NOP14: variants seen among roughly 807,000 people sequenced by gnomAD.
NOP14 encodes the protein nucleolar protein 14.
In NOP14, 57 loss-of-function variants were observed where a neutral mutation model predicts 101.6. That is an observed-to-expected ratio of 0.56 (90% CI 0.45 to 0.70). The LOEUF is 0.70. NOP14 is among the 30% of genes least tolerant of loss of function. NOP14 has a pLI of 0.00. For missense variants in NOP14, 1,134 were observed against 1,075.5 expected, an observed-to-expected ratio of 1.05 and a Z score of -0.76; for synonymous variants, 428 against 424.0, an observed-to-expected ratio of 1.01 and a Z score of -0.12.
At chr4:2,948,211 A>G (rs910868293) in intron 9 of NOP14, 67 bp downstream of exon 9, 1 of 1,510,532 alleles carries the variant, frequency 6.6e-7, no homozygotes, top group Non-Finnish European at 8.8e-7. Context: ...ACTTCACACA[A>G]TTCTGGCATT....
intron 10 of NOP14, chr4:2,947,062 C>T (rs1449188108): frequency 9.1e-6 from 2 of 220,316 alleles, no homozygotes; most frequent in Admixed American, 5.3e-5. Context: ...GTGGGTCACA[C>T]AGCCTTAGAG....
chr4:2,954,981 G>GGCGCCCTCTAGTCACCTGCACCACA, intron 3 of NOP14, among the ~76,000 whole-genome samples: 1 of 150,798 alleles, frequency 6.6e-6, no homozygotes, highest in Non-Finnish European at 1.5e-5. Context: ...CCTGTACCAC[G>GGCGCCCTCTAGTCACCTGCACCACA]GCGCCCCCTC....
Position 2,938,230 on chromosome 4 carries a change from T to G in NOP14, c.*601A>C, listed in dbSNP as rs1560290609. The G allele has an allele frequency of 1.6e-6, 2 of 1,288,420 alleles. No individual in the cohort carries two copies. The highest frequency in any genetic ancestry group is 1.1e-4 in the East Asian group (2 of 17,978). 79.8% of individuals were successfully genotyped at this position (1,288,420 alleles called of 1,614,324 possible). A position where few individuals can be genotyped will look rare whatever the true frequency, so the allele number is the denominator to read the frequency against. ...CACCAACATTATAGCATTATTACTC[T>G]AAAAAAAATTACTTTTTTGGCTGGG... On this transcript the variant is annotated 3_prime_UTR_variant, in exon 18 of 18. Coordinates refer to ENST00000416614, the MANE Select transcript of NOP14 (RefSeq NM_001291978.2).
At chr4:2,940,588 T>C (rs992446166) in intron 15 of NOP14, 3 of 152,200 alleles carry the variant, frequency 2.0e-5, no homozygotes, top group Admixed American at 1.3e-4. Context: ...CGACGGAGTC[T>C]GTGATAGCTA....
In NOP14 at chr4:2,953,535, G is replaced by A; in HGVS notation, c.723C>T (p.Asn241=). 6.2e-7 allele frequency: 1 copy of A among 1,614,142 alleles called. No individual in the cohort carries two copies. The highest frequency in any genetic ancestry group is 8.5e-7 in the Non-Finnish European group (1 of 1,180,008). Residue 241 remains asparagine, a synonymous_variant, in exon 5 of 18, where the codon AAC becomes AAT. Transcript: ENST00000416614. ...LLSHKTPKSE[N]RDKKEKPKPD... The stretch of plus-strand genomic sequence containing the variant: ...CCTTGGGTTTTTCCTTTTTGTCTCT[G>A]TTCTCTGACTTGGGAGTTTTGTGGG...
intron 4 of NOP14, among the ~76,000 whole-genome samples, chr4:2,954,087 T>C (rs568004843): frequency 1.3e-5 from 2 of 152,254 alleles, no homozygotes; most frequent in African/African-American, 2.4e-5. Context: ...CACTAGCTAC[T>C]TGGGGAGCTG....
chr4:2,938,342 G>A lies in NOP14; in HGVS notation c.*489C>T, dbSNP rs1447764926. ...TCGAGACCAGCCTGACCAACATGGA[G>A]AAACCCCGTCTCTACTAAAAATACA... On this transcript the variant is annotated 3_prime_UTR_variant, in exon 18 of 18. Coordinates refer to ENST00000416614, the MANE Select transcript of NOP14 (RefSeq NM_001291978.2). 1.8e-6 allele frequency: 1 copy of A among 559,814 alleles called. No individual in the cohort carries two copies. The highest frequency in any genetic ancestry group is 3.0e-6 in the Non-Finnish European group (1 of 331,742). 34.7% of individuals were successfully genotyped at this position (559,814 alleles called of 1,614,324 possible). A position where few individuals can be genotyped will look rare whatever the true frequency, so the allele number is the denominator to read the frequency against.
In NOP14 at chr4:2,956,823, GAA is replaced by G. The variant is rs776494534; in HGVS notation, c.331-14_331-13del. 1.1e-5 allele frequency: 17 copies of G among 1,518,964 alleles called. No homozygotes were observed. The South Asian group carries it at 2.2e-4, about 20-fold the overall frequency. The allele number at this position is 1,518,964 out of a possible 1,614,324, so 94.1% of individuals were successfully genotyped here. On this transcript the variant is annotated splice_polypyrimidine_tract_variant and intron_variant, in intron 2 of 17. Transcript: ENST00000416614. ...TTCTCATGATGTCGCTGACAGAAGA[GAA>G]AAAAAGTTTCCTAAAATTACCACTT... is the stretch of plus-strand genomic sequence containing the variant.
At position 2,944,100 on chromosome 4, in the gene NOP14, T is replaced by C. The variant is rs1206966421; in HGVS notation, c.1864A>G (p.Ile622Val). Residue 622 changes from isoleucine (I) to valine (V), a missense_variant, in exon 13 of 18, where the codon ATA becomes GTA. Physicochemically the swap from Ile to Val is conservative, Grantham distance 29. Coordinates refer to ENST00000416614, the MANE Select transcript of NOP14 (RefSeq NM_001291978.2). The part of the protein sequence containing the change: ...LINFLLGILY[I>V]ATPNKASQGS... The stretch of plus-strand genomic sequence containing the variant: ...TGGCTTGCTTTGTTTGGAGTTGCTA[T>C]GTAAAGAATCCCAAGAAGAAAATTA... The C allele has an allele frequency of 5.6e-6, 9 of 1,612,746 alleles. No homozygotes were observed. The highest frequency in any genetic ancestry group is 7.6e-6 in the Non-Finnish European group (9 of 1,179,520).
chr4:2,939,316 A>G lies in NOP14; in HGVS notation c.2346T>C (p.Ser782=). 1 of 1,613,808 alleles carries G rather than the reference A, an allele frequency of 6.2e-7. No homozygotes were observed. Among genetic ancestry groups the G allele is most frequent in the Non-Finnish European group, 8.5e-7 (1 of 1,179,986 alleles). ...TCTTCCTTTCCTGTTCCTCCTTACTACTGCCTTGTTTTCTTCCAAACTCGA... is the reference window on the plus strand; with the variant it reads ...TCTTCCTTTCCTGTTCCTCCTTACTGCTGCCTTGTTTTCTTCCAAACTCGA... ...KVLEFGRKQG[S]SKEEQERKRL... Residue 782 remains serine (S), a synonymous_variant, in exon 17 of 18, where the codon AGT becomes AGC. Coordinates refer to ENST00000416614, the MANE Select transcript of NOP14 (RefSeq NM_001291978.2).
chr4:2,956,686 A>G lies in NOP14; in HGVS notation c.456T>C (p.Asp152=), dbSNP rs937777417. 2.5e-6 allele frequency: 4 copies of G among 1,612,462 alleles called. No homozygotes were observed. The highest frequency in any genetic ancestry group is 3.4e-6 in the Non-Finnish European group (4 of 1,179,632). ...CAGCCTCACCAGACAACGTTCCTCG[A>G]TCCTCAGCATCGCTGTCACTGTCCA... ...DIVDSDSDAE[D]RGTLSAELTA... is the part of the protein sequence containing the mutation. Residue 152 remains aspartate (D), a synonymous_variant, in exon 3 of 18, where the codon GAT becomes GAC. Transcript: ENST00000416614.
In NOP14 at chr4:2,947,269, G is replaced by C. The variant is rs1471106895; in HGVS notation, c.1499+257C>G. 2.1e-5 allele frequency: 11 copies of C among 534,616 alleles called. No homozygotes were observed. In the East Asian group the frequency reaches 3.6e-4, roughly 18 times the overall value. The allele number at this position is 534,616 out of a possible 1,614,324, so 33.1% of individuals were successfully genotyped here. A position where few individuals can be genotyped will look rare whatever the true frequency, so the allele number is the denominator to read the frequency against. On this transcript the variant is annotated intron_variant, in intron 10 of 17. Transcript: ENST00000416614. ...CCCCATCCCAGCCACAAATCTAAAGGGGTTCACTTGTTTCAAAATCAACTT... is the reference window on the plus strand; with the variant it reads ...CCCCATCCCAGCCACAAATCTAAAGCGGTTCACTTGTTTCAAAATCAACTT...
rs1483641565 is a variant in NOP14, at chr4:2,939,543, G to T, written c.2302C>A (p.Pro768Thr). The T allele has an allele frequency of 3.1e-6, 5 of 1,613,760 alleles. No individual in the cohort carries two copies. Among genetic ancestry groups the T allele is most frequent in the Non-Finnish European group, 3.4e-6 (4 of 1,179,868 alleles). ...SKPVPLKLFTPRLVKVLEFGR... is the reference protein window; with the variant it reads ...SKPVPLKLFTTRLVKVLEFGR... The stretch of plus-strand genomic sequence containing the variant: ...AGCACCCACACTTTGACCAGCCGGG[G>T]TGTGAAAAGCTTCAGTGGGACAGGC... The change falls in exon 16 of 18, where the codon CCC becomes ACC. Residue 768 changes from proline (P) to threonine (T), a missense_variant. By Grantham distance (38) the Pro-to-Thr change is conservative. Transcript: ENST00000416614.
At chr4:2,954,670 C>T in intron 3 of NOP14, 107 bp from the exon 4 acceptor site, 1 of 1,367,010 alleles carries the variant, frequency 7.3e-7, no homozygotes, top group Non-Finnish European at 9.7e-7. Context: ...TGGAAAAGTC[C>T]ACATTTGAGA....
At chr4:2,942,029 G>GGACA in intron 14 of NOP14, 163 bp downstream of exon 14, 3 of 695,710 alleles carry the variant, frequency 4.3e-6, no homozygotes, top group Non-Finnish European at 7.3e-6. Flanking sequence ...AAAGAAAAAG[G>GGACA]GACAGCAAGC....
chr4:2,951,089 G>A (rs1229493312), intron 7 of NOP14, 25 bp downstream of exon 7: 3 of 1,563,040 alleles, frequency 1.9e-6, no homozygotes, highest in African/African-American at 2.7e-5. Context: ...GAGAGAGAAA[G>A]AGAAAATGAA....
At chr4:2,944,544 T>C (rs777313860) in intron 12 of NOP14, among the ~76,000 whole-genome samples, 1 of 152,162 alleles carries the variant, frequency 6.6e-6, no homozygotes, top group Non-Finnish European at 1.5e-5. Context: ...GTAGCTGGGA[T>C]TACAGGCATG....
rs1440804343 is a variant in NOP14 at position 2,950,000 on chromosome 4, C to T, written c.1216G>A (p.Gly406Arg). 2 of 1,614,172 alleles carry T rather than the reference C, an allele frequency of 1.2e-6. No homozygotes were observed. The highest frequency in any genetic ancestry group is 1.7e-6 in the Non-Finnish European group (2 of 1,180,036). ...AKEQRQTPGK[G>R]LISGKERAGK... ...GCTCTTTCCTTGCCGCTTATCAACCCTTTCCCAGGAGTCTGCCTCTGCTCT... is the reference window on the plus strand; with the variant it reads ...GCTCTTTCCTTGCCGCTTATCAACCTTTTCCCAGGAGTCTGCCTCTGCTCT... The change falls in exon 8 of 18, where the codon GGG becomes AGG. Residue 406 changes from glycine to arginine, a missense_variant. Gly to Arg is a moderately radical substitution (Grantham distance 125). Coordinates refer to ENST00000416614, the MANE Select transcript of NOP14 (RefSeq NM_001291978.2).
intron 1 of NOP14, among the ~76,000 whole-genome samples, chr4:2,958,900 G>C (rs75371137): frequency 3.9e-5 from 6 of 152,336 alleles, no homozygotes; most frequent in African/African-American, 1.4e-4. Flanking sequence ...GAGAGTGGAA[G>C]GGGTTAAGAA....
Sources: gnomAD v4.1 joint callset for allele counts (sites outside exome capture counted in the v4.1 genomes callset) on GRCh38, gnomAD v4.1.1 for gene constraint, MANE v1.5 for transcripts, NCBI Gene and HGNC (gene_info 2026-07-23, HGNC 2026-07-21) for gene names.